NAF1: variants seen among roughly 807,000 people sequenced by gnomAD.
The protein encoded by NAF1 is nuclear assembly factor 1 ribonucleoprotein.
Under a neutral mutation model 40.6 loss-of-function variants are expected in NAF1, and 11 were observed. That is an observed-to-expected ratio of 0.27 (90% CI 0.17 to 0.45). The LOEUF (loss-of-function observed/expected upper bound fraction) is 0.45. Among genes scored for constraint, NAF1 ranks in the 20% least tolerant of loss-of-function variants. The pLI is 1.00. For missense variants in NAF1, 607 were observed against 611.1 expected, an observed-to-expected ratio of 0.99 and a Z score of 0.07; for synonymous variants, 260 against 228.5, an observed-to-expected ratio of 1.14 and a Z score of -1.24.
intron 2 of NAF1, among the ~76,000 whole-genome samples, chr4:163,156,164 A>G (rs908669621): frequency 4.2e-5 from 5 of 118,164 alleles, no homozygotes; most frequent in Non-Finnish European, 9.1e-5. Flanking sequence ...TTAAAATTAA[A>G]TAAAATTTAA....
At chr4:163,147,492 T>C (rs1731518080) in intron 3 of NAF1, among the ~76,000 whole-genome samples, 1 of 152,178 alleles carries the variant, frequency 6.6e-6, no homozygotes, top group African/African-American at 2.4e-5. Flanking sequence ...AACTCACATG[T>C]TGGGGCTAAA....
downstream of NAF1, chr4:163,127,136 G>A (rs940825499): frequency 2.6e-6 from 4 of 1,547,908 alleles, no homozygotes; most frequent in South Asian, 4.8e-5. Context: ...GAAATGGACA[G>A]ATTTTTACTT....
At chr4:163,161,552 CAG>C (rs1732223146) in intron 2 of NAF1, among the ~76,000 whole-genome samples, 1 of 151,966 alleles carries the variant, frequency 6.6e-6, no homozygotes, top group Non-Finnish European at 1.5e-5. Flanking sequence ...AATAAAATGC[CAG>C]AGAACTGTGA....
intron 2 of NAF1, among the ~76,000 whole-genome samples, chr4:163,159,081 G>A (rs1732112777): frequency 6.6e-6 from 1 of 151,980 alleles, no homozygotes; most frequent in Non-Finnish European, 1.5e-5. Flanking sequence ...AGGAATGGGG[G>A]AATCTAAACA....
intron 2 of NAF1, chr4:163,110,293 G>C: frequency 1.4e-6 from 1 of 700,982 alleles, no homozygotes; most frequent in South Asian, 1.5e-5. Context: ...ACCATGGTCT[G>C]AAAATAGGTG....
At chr4:163,113,727 TAGA>T (rs1267726820) in intron 2 of NAF1, among the ~76,000 whole-genome samples, 1 of 152,198 alleles carries the variant, frequency 6.6e-6, no homozygotes, top group African/African-American at 2.4e-5. Context: ...GTACACTTAG[TAGA>T]AATCAAATCA....
downstream of NAF1, among the ~76,000 whole-genome samples, chr4:163,122,377 AT>A (rs1365793336): frequency 3.9e-5 from 6 of 152,198 alleles, no homozygotes; most frequent in African/African-American, 1.4e-4. Context: ...ACAAATCACA[AT>A]TTGGTGGGAA....
At chr4:163,151,477 C>T (rs1731703496) in intron 2 of NAF1, among the ~76,000 whole-genome samples, 1 of 151,902 alleles carries the variant, frequency 6.6e-6, no homozygotes, top group Non-Finnish European at 1.5e-5. Flanking sequence ...GTTATCCTGA[C>T]ATGCTGTAGA....
intron 2 of NAF1, among the ~76,000 whole-genome samples, chr4:163,120,781 A>G (rs906765417): frequency 6.6e-6 from 1 of 152,136 alleles, no homozygotes; most frequent in Non-Finnish European, 1.5e-5. Context: ...CTTTGTTTTC[A>G]GGTAATTGCA....
At chr4:163,119,150 G>T (rs1730441399) in intron 2 of NAF1, among the ~76,000 whole-genome samples, 1 of 151,982 alleles carries the variant, frequency 6.6e-6, no homozygotes, top group East Asian at 1.9e-4. Context: ...CATTCCATTT[G>T]TATCTTATCC....
intron 2 of NAF1, chr4:163,119,683 T>C (rs1579124301): frequency 1.3e-5 from 2 of 152,302 alleles, no homozygotes; most frequent in South Asian, 4.1e-4. Context: ...TGTGGAATAA[T>C]GGTACAGGGT....
At chr4:163,125,000 T>C (rs1005993553), downstream of NAF1, among the ~76,000 whole-genome samples, 2 of 152,362 alleles carry the variant, frequency 1.3e-5, no homozygotes, top group Admixed American at 1.3e-4. Context: ...ATTTGTGTTA[T>C]AGCGATCTCA....
chr4:163,148,835 CTT>C, intron 2 of NAF1, among the ~76,000 whole-genome samples: 1 of 152,198 alleles, frequency 6.6e-6, no homozygotes, highest in Non-Finnish European at 1.5e-5. Flanking sequence ...TTTTAGCTGT[CTT>C]GTTAAATTGG....
In NAF1 at chr4:163,111,040, CCTTA is replaced by C. The variant is rs1239947320; in HGVS notation, c.115-754_115-751del. On this transcript the variant is annotated intron_variant, in intron 2 of 2. Transcript: ENST00000509434. Reference sequence around the variant, plus strand: ...CTTTTTGAAGGTTCCTCAGAAAACTCCTTACTAATTTATATCTCGCAAAAAAACT... The same window carrying C: ...CTTTTTGAAGGTTCCTCAGAAAACTCCTAATTTATATCTCGCAAAAAAACT... Among the ~76,000 whole-genome samples, 9 of 152,220 alleles carry C rather than the reference CCTTA, an allele frequency of 5.9e-5. No individual in the cohort carries two copies. The South Asian group carries it at 1.4e-3, about 24-fold the overall frequency.
chr4:163,162,738 G>A (rs895487121), intron 2 of NAF1, among the ~76,000 whole-genome samples: 1 of 152,084 alleles, frequency 6.6e-6, no homozygotes, highest in Admixed American at 6.6e-5. Flanking sequence ...AATATAAAAT[G>A]CCTATTCACA....
chr4:163,151,451 T>G (rs1441903260), intron 2 of NAF1, among the ~76,000 whole-genome samples: 1 of 152,032 alleles, frequency 6.6e-6, no homozygotes, highest in Non-Finnish European at 1.5e-5. Flanking sequence ...TTTATCTTTA[T>G]CCAAACTACT....
downstream of NAF1, among the ~76,000 whole-genome samples, chr4:163,122,021 G>A (rs1730531827): frequency 6.6e-6 from 1 of 152,142 alleles, no homozygotes; most frequent in African/African-American, 2.4e-5. Flanking sequence ...TTAACATACT[G>A]CCTAAAAACT....
intron 5 of NAF1, among the ~76,000 whole-genome samples, chr4:163,138,519 A>G (rs1731142395): frequency 6.6e-6 from 1 of 152,144 alleles, no homozygotes; most frequent in African/African-American, 2.4e-5. Flanking sequence ...TACATGAGAA[A>G]CTAAGATCAA....
At chr4:163,106,739 T>C (rs1730055455), downstream of NAF1, among the ~76,000 whole-genome samples, 2 of 152,142 alleles carry the variant, frequency 1.3e-5, no homozygotes, top group African/African-American at 4.8e-5. Context: ...TTTTCTGAGG[T>C]ATGTTTTCTG....
Sources: gnomAD v4.1 joint callset for allele counts (sites outside exome capture counted in the v4.1 genomes callset) on GRCh38, gnomAD v4.1.1 for gene constraint, MANE v1.5 for transcripts, NCBI Gene and HGNC (gene_info 2026-07-23, HGNC 2026-07-21) for gene names.